TNPO1: variants seen among roughly 807,000 people sequenced by gnomAD.
TNPO1 encodes transportin-1.
Under a neutral mutation model 119.5 loss-of-function variants are expected in TNPO1, and 8 were observed. That is an observed-to-expected ratio of 0.07 (90% CI 0.04 to 0.12). The LOEUF (loss-of-function observed/expected upper bound fraction) is 0.12, where lower values mean the gene tolerates loss of function less well. TNPO1 is among the 10% of genes least tolerant of loss of function. The pLI is 1.00. For synonymous variants in TNPO1, 362 were observed against 363.0 expected (o/e 1.00, Z 0.03); for missense variants, 576 against 1,089.8 (o/e 0.53, Z 6.64).
intron 20 of TNPO1, 35 bp downstream of exon 20, chr5:72,897,186 A>G: frequency 6.7e-7 from 1 of 1,492,944 alleles, no homozygotes; most frequent in Non-Finnish European, 9.1e-7. Context: ...GTGAAGAGAA[A>G]ATTTGTTGCC....
intron 1 of TNPO1, 122 bp downstream of exon 1, chr5:72,816,874 C>A: frequency 7.8e-7 from 1 of 1,289,496 alleles, no homozygotes; most frequent in Non-Finnish European, 1.0e-6. Flanking sequence ...CGGCGCCTGC[C>A]CGGCCGTTTG....
intron 1 of TNPO1, among the ~76,000 whole-genome samples, chr5:72,839,059 T>C (rs1744807919): frequency 6.6e-6 from 1 of 152,180 alleles, no homozygotes; most frequent in Non-Finnish European, 1.5e-5. Context: ...GCTTTTTTTC[T>C]TAAATCTGTG....
chr5:72,896,804 G>A (rs1399658047), intron 19 of TNPO1, among the ~76,000 whole-genome samples: 1 of 152,182 alleles, frequency 6.6e-6, no homozygotes, highest in Non-Finnish European at 1.5e-5. Flanking sequence ...GGGAGGCAGA[G>A]GTTTCAGTGA....
intron 3 of TNPO1, among the ~76,000 whole-genome samples, chr5:72,854,951 AATATT>A (rs1745868004): frequency 6.6e-6 from 1 of 152,134 alleles, no homozygotes; most frequent in Non-Finnish European, 1.5e-5. Context: ...TTAATTTTTC[AATATT>A]ATATTTTTTT....
intron 1 of TNPO1, among the ~76,000 whole-genome samples, chr5:72,841,814 A>G (rs970826851): frequency 6.6e-6 from 1 of 151,940 alleles, no homozygotes; most frequent in Non-Finnish European, 1.5e-5. Flanking sequence ...TTTAAATAGC[A>G]TGCTCTTTTT....
At chr5:72,853,931 A>G (rs1481035488) in intron 3 of TNPO1, among the ~76,000 whole-genome samples, 4 of 152,218 alleles carry the variant, frequency 2.6e-5, no homozygotes, top group African/African-American at 9.6e-5. Context: ...AAAACAAAGG[A>G]AATCGTTAGT....
intron 2 of TNPO1, among the ~76,000 whole-genome samples, chr5:72,850,270 T>C (rs1745444369): frequency 6.6e-6 from 1 of 152,128 alleles, no homozygotes; most frequent in Non-Finnish European, 1.5e-5. Context: ...TTTTGAAAAA[T>C]TCATTGGCAT....
intron 1 of TNPO1, among the ~76,000 whole-genome samples, chr5:72,847,502 A>C (rs1193011071): frequency 6.6e-6 from 1 of 152,254 alleles, no homozygotes; most frequent in Non-Finnish European, 1.5e-5. Flanking sequence ...GAGGCAAATA[A>C]TACCTCACTA....
intron 21 of TNPO1, 104 bp from the exon 22 acceptor site, chr5:72,900,870 C>T (rs1262759032): frequency 1.6e-6 from 1 of 619,578 alleles, no homozygotes; most frequent in Admixed American, 3.9e-5. Context: ...TTAATATAAT[C>T]ATTATCTATA....
intron 6 of TNPO1, among the ~76,000 whole-genome samples, chr5:72,869,199 T>C (rs966801308): frequency 1.3e-5 from 2 of 152,122 alleles, no homozygotes; most frequent in Non-Finnish European, 2.9e-5. Context: ...TGTCCCAGAA[T>C]GGAATGAAAA....
intron 8 of TNPO1, among the ~76,000 whole-genome samples, chr5:72,876,393 G>A (rs1249192470): frequency 6.6e-6 from 1 of 152,182 alleles, no homozygotes; most frequent in East Asian, 1.9e-4. Flanking sequence ...TGAAAATCAC[G>A]TGAGTGAATT....
At position 72,908,930 on chromosome 5, in the gene TNPO1, A is replaced by G. The variant is rs1391261007; in HGVS notation, c.*257A>G. On this transcript the variant is annotated 3_prime_UTR_variant, in exon 25 of 25. Transcript: ENST00000337273. ...AATATGTCTCCAGTTACAACTCCGC[A>G]GTGGATGTGAAGAAGCAAAAAAAAA... is the stretch of plus-strand genomic sequence containing the variant. 1 of 452,310 alleles carries G rather than the reference A, an allele frequency of 2.2e-6. No homozygotes were observed. The highest frequency in any genetic ancestry group is 2.0e-5 in the African/African-American group (1 of 49,586). The allele number at this position is 452,310 out of a possible 1,614,324, so 28.0% of individuals were successfully genotyped here. A position where few individuals can be genotyped will look rare whatever the true frequency, so the allele number is the denominator to read the frequency against.
chr5:72,820,716 A>C (rs1743920464), intron 1 of TNPO1, among the ~76,000 whole-genome samples: 1 of 152,182 alleles, frequency 6.6e-6, no homozygotes, highest in South Asian at 2.1e-4. Context: ...CTTTTATATC[A>C]TATACATATT....
At chr5:72,857,687 G>T (rs1746111757) in intron 4 of TNPO1, among the ~76,000 whole-genome samples, 1 of 152,216 alleles carries the variant, frequency 6.6e-6, no homozygotes, top group Admixed American at 6.5e-5. Flanking sequence ...GAAAGGAAAG[G>T]AGAGGATATA....
intron 14 of TNPO1, 123 bp from the exon 15 acceptor site, chr5:72,891,687 T>G (rs1579919304): frequency 2.8e-6 from 2 of 702,548 alleles, no homozygotes; most frequent in East Asian, 5.2e-5. Context: ...GAATGACTCT[T>G]AAAATGCCTT....
chr5:72,889,109 G>A (rs1007152461), intron 13 of TNPO1, among the ~76,000 whole-genome samples: 4 of 152,118 alleles, frequency 2.6e-5, no homozygotes, highest in African/African-American at 9.7e-5. Flanking sequence ...CCAGGCTGGA[G>A]TGCAGTGGTG....
intron 7 of TNPO1, among the ~76,000 whole-genome samples, chr5:72,874,625 A>T (rs937636997): frequency 2.6e-5 from 4 of 152,238 alleles, no homozygotes; most frequent in Non-Finnish European, 5.9e-5. Flanking sequence ...ATGTGGAAGC[A>T]GGACTTGGGG....
chr5:72,906,264 C>CTTTTTTT (rs11356390), intron 24 of TNPO1, among the ~76,000 whole-genome samples: 1 of 90,238 alleles, frequency 1.1e-5, no homozygotes, highest in Non-Finnish European at 2.0e-5. Flanking sequence ...GTGCCCATCA[C>CTTTTTTT]TTTTTTTTTT....
chr5:72,882,014 ATGTC>A (rs1184166328), intron 9 of TNPO1, among the ~76,000 whole-genome samples: 7 of 152,110 alleles, frequency 4.6e-5, no homozygotes, highest in African/African-American at 1.7e-4. Context: ...TAACATTCTG[ATGTC>A]TGTCCTCACC....
Sources: gnomAD v4.1 joint callset for allele counts (sites outside exome capture counted in the v4.1 genomes callset) on GRCh38, gnomAD v4.1.1 for gene constraint, MANE v1.5 for transcripts, NCBI Gene and HGNC (gene_info 2026-07-23, HGNC 2026-07-21) for gene names.